The following COL14A1 variants were observed in gnomAD, a reference collection of about 807,000 sequenced individuals.
COL14A1 encodes collagen alpha-1(XIV) chain.
A neutral mutation model predicts 230.3 loss-of-function variants in COL14A1; 136 were observed. The ratio of observed to expected loss-of-function variants is 0.59; its 90% CI spans 0.51 to 0.68. The LOEUF (loss-of-function observed/expected upper bound fraction) is 0.68. Ranked by LOEUF, COL14A1 falls within the 30% of genes least tolerant of loss-of-function variation. COL14A1 has a pLI of 0.00. For missense variants in COL14A1, 1,976 were observed against 2,215.8 expected (o/e 0.89, Z 2.17); for synonymous variants, 792 against 784.1 (o/e 1.01, Z -0.17).
At chr8:120,276,327 C>T (rs775608839) in intron 26 of COL14A1, among the ~76,000 whole-genome samples, 7 of 149,874 alleles carry the variant, frequency 4.7e-5, no homozygotes, top group African/African-American at 7.4e-5. Flanking sequence ...CAAAGGAACA[C>T]AGGGTGGTAT....
At chr8:120,227,441 T>C (rs780806418) in intron 17 of COL14A1, 89 bp downstream of exon 17, 1 of 1,514,022 alleles carries the variant, frequency 6.6e-7, no homozygotes, top group Admixed American at 1.9e-5. Context: ...GCTTTATCTT[T>C]GGCTATGTAA....
intron 5 of COL14A1, among the ~76,000 whole-genome samples, chr8:120,168,471 C>T (rs985307379): frequency 2.6e-5 from 4 of 152,106 alleles, no homozygotes; most frequent in Admixed American, 6.6e-5. Flanking sequence ...CATATATGTA[C>T]AGCCTGTCAT....
intron 2 of COL14A1, among the ~76,000 whole-genome samples, chr8:120,150,023 G>A (rs1329502708): frequency 6.6e-6 from 1 of 152,110 alleles, no homozygotes; most frequent in African/African-American, 2.4e-5. Context: ...GAACACTTAT[G>A]GGGCATATTC....
intron 17 of COL14A1, 117 bp downstream of exon 17, chr8:120,227,469 TC>T: frequency 1.5e-6 from 2 of 1,303,106 alleles, no homozygotes; most frequent in Non-Finnish European, 1.1e-6. Context: ...TTTCTCTTTG[TC>T]CCCCAGAATT....
chr8:120,279,964 G>A lies in COL14A1; in HGVS notation c.3511G>A (p.Asp1171Asn), dbSNP rs778554115. 6 of 1,613,674 alleles carry A rather than the reference G, an allele frequency of 3.7e-6. No individual in the cohort carries two copies. The highest frequency in any genetic ancestry group is 2.2e-5 in the South Asian group (2 of 91,062). The change falls in exon 29 of 48, where the codon GAT (aspartate) becomes AAT (asparagine). Residue 1171 changes from aspartate (D) to asparagine (N), a missense_variant. Around this residue, in one of 3 missense-constraint regions of COL14A1, gnomAD observed 1,791 missense variants for 2,019.5 expected, o/e 0.89. Coordinates refer to ENST00000297848, the MANE Select transcript of COL14A1 (RefSeq NM_021110.4). ...GYSIFAIGVA[D>N]ADYSELVSIG... ...TAGCATTTTTGCAATTGGTGTGGCC[G>A]ATGCAGATTACTCGGAGTTGGTTAG...
chr8:120,147,823 T>A lies in COL14A1; in HGVS notation c.-20T>A. ...GTTTCTAGGTGGCTGCTACACCCCA[T>A]GTAAAAAGCGGAAAATAAAATGAAG... On this transcript the variant is annotated 5_prime_UTR_variant, in exon 2 of 48. An upstream start codon of the reference 5' UTR is lost. Coordinates refer to ENST00000297848, the MANE Select transcript of COL14A1 (RefSeq NM_021110.4). 1 of 1,604,372 alleles carries A rather than the reference T, an allele frequency of 6.2e-7. No individual in the cohort carries two copies. Among genetic ancestry groups the A allele is most frequent in the East Asian group, 2.2e-5 (1 of 44,758 alleles).
Position 120,227,284 on chromosome 8 carries a change from A to C in COL14A1, c.2069A>C (p.Glu690Ala), listed in dbSNP as rs1818128241. The change falls in exon 17 of 48, where the codon GAA (glutamate) becomes GCA (alanine). Residue 690 changes from glutamate to alanine, a missense_variant. By Grantham distance (107) the Glu-to-Ala change is moderately radical (BLOSUM62 -1). Coordinates refer to ENST00000297848, the MANE Select transcript of COL14A1 (RefSeq NM_021110.4). ...GGCCTGGAGCCCGGTACGGAGTATG[A>C]AGTTTCACTATTGGCCGTACTTGAT... ...IEGLEPGTEY[E>A]VSLLAVLDDG... is the part of the protein sequence containing the mutation. The C allele has an allele frequency of 6.2e-7, 1 of 1,614,100 alleles. No homozygotes were observed. The highest frequency in any genetic ancestry group is 2.2e-5 in the East Asian group (1 of 44,880).
chr8:120,126,178 A>T (rs1427396462), intron 1 of COL14A1, among the ~76,000 whole-genome samples: 1 of 152,168 alleles, frequency 6.6e-6, no homozygotes, highest in Non-Finnish European at 1.5e-5. Flanking sequence ...GCCTGGGCGG[A>T]TAGGCATCCG....
chr8:120,198,750 G>A (rs1052102242), intron 7 of COL14A1, among the ~76,000 whole-genome samples: 2 of 152,216 alleles, frequency 1.3e-5, no homozygotes, highest in African/African-American at 4.8e-5. Flanking sequence ...ACATATTAGA[G>A]ATGCTCAGAT....
chr8:120,315,287 T>G (rs1274599505), intron 38 of COL14A1, among the ~76,000 whole-genome samples: 1 of 150,092 alleles, frequency 6.7e-6, no homozygotes, highest in Non-Finnish European at 1.5e-5. Flanking sequence ...GGAGAATAGC[T>G]TGGACCCAGG....
chr8:120,191,256 A>G (rs200318766), intron 5 of COL14A1, among the ~76,000 whole-genome samples: 8 of 147,256 alleles, frequency 5.4e-5, no homozygotes, highest in South Asian at 2.2e-4. Flanking sequence ...CTTTGTTCTC[A>G]TTGGTTTCAA....
intron 21 of COL14A1, among the ~76,000 whole-genome samples, chr8:120,249,349 C>G (rs1247580901): frequency 1.3e-5 from 2 of 152,126 alleles, no homozygotes; most frequent in African/African-American, 4.8e-5. Flanking sequence ...TCCAATTTCT[C>G]CAGACAAACA....
At chr8:120,297,740 A>G (rs986078358) in intron 35 of COL14A1, 152 bp downstream of exon 35, 4 of 429,926 alleles carry the variant, frequency 9.3e-6, no homozygotes, top group African/African-American at 4.1e-5. Context: ...TGAAATTAAC[A>G]AGATTTCTCC....
At chr8:120,151,559 G>A (rs1259281864) in intron 2 of COL14A1, among the ~76,000 whole-genome samples, 2 of 142,610 alleles carry the variant, frequency 1.4e-5, no homozygotes, top group South Asian at 2.2e-4. Context: ...AGAATTGCCT[G>A]AACCTGGGAG....
At chr8:120,195,078 T>G (rs1387956846) in intron 5 of COL14A1, among the ~76,000 whole-genome samples, 1 of 152,182 alleles carries the variant, frequency 6.6e-6, no homozygotes, top group African/African-American at 2.4e-5. Context: ...TAATGAATAT[T>G]GGAGTATTTC....
chr8:120,292,326 C>A (rs1169767791), intron 34 of COL14A1, among the ~76,000 whole-genome samples: 1 of 151,968 alleles, frequency 6.6e-6, no homozygotes, highest in East Asian at 1.9e-4. Context: ...TTATTTCCAA[C>A]TAGTAGTAGA....
chr8:120,294,469 A>G (rs1444448611), intron 34 of COL14A1, among the ~76,000 whole-genome samples: 1 of 133,426 alleles, frequency 7.5e-6, no homozygotes. Flanking sequence ...TGTATCTTTT[A>G]TAATTTTCAG....
At chr8:120,363,133 T>C (rs1395571764) in intron 45 of COL14A1, among the ~76,000 whole-genome samples, 2 of 152,164 alleles carry the variant, frequency 1.3e-5, no homozygotes, top group African/African-American at 4.8e-5. Context: ...TGCTTGCTTA[T>C]AATGGGCAGC....
At chr8:120,192,185 G>T (rs1014196820) in intron 5 of COL14A1, among the ~76,000 whole-genome samples, 7 of 152,106 alleles carry the variant, frequency 4.6e-5, no homozygotes, top group Non-Finnish European at 1.0e-4. Context: ...GGCTGGTACC[G>T]GTTGTTCCTT....
Sources: gnomAD v4.1 joint callset for allele counts (sites outside exome capture counted in the v4.1 genomes callset) on GRCh38, gnomAD v4.1.1 for gene constraint, gnomAD v4.1.1 regional missense constraint, MANE v1.5 for transcripts, NCBI Gene and HGNC (gene_info 2026-07-23, HGNC 2026-07-21) for gene names.